The following NRXN3 variants were observed in gnomAD, a reference collection of about 807,000 sequenced individuals.
The protein encoded by NRXN3 is neurexin III.
NRXN3 carries 32 observed loss-of-function variants against 137.6 expected under a neutral mutation model. That is an observed-to-expected ratio of 0.23 (90% CI 0.18 to 0.31). NRXN3 has a LOEUF of 0.31. NRXN3 is among the 10% of genes least tolerant of loss of function. The pLI is 1.00. For missense variants in NRXN3, 1,574 were observed against 2,062.5 expected (o/e 0.76, Z 4.59); for synonymous variants, 798 against 784.5 (o/e 1.02, Z -0.29).
chr14:78,664,796 C>T (rs1336233269), intron 6 of NRXN3, among the ~76,000 whole-genome samples: 1 of 152,180 alleles, frequency 6.6e-6, no homozygotes, highest in African/African-American at 2.4e-5. Context: ...GAGACAAGAA[C>T]AAAGATTTAT....
chr14:79,435,215 G>A (rs1185957694), intron 15 of NRXN3, among the ~76,000 whole-genome samples: 3 of 151,772 alleles, frequency 2.0e-5, no homozygotes, highest in Non-Finnish European at 4.4e-5. Flanking sequence ...GTTGCATTTG[G>A]AGCTATCAGC....
In NRXN3 at chr14:79,733,317, C is replaced by T. The variant is rs1162655066; in HGVS notation, c.4014+35380C>T. Among the ~76,000 whole-genome samples the T allele has an allele frequency of 2.6e-5, 4 of 152,280 alleles. No homozygotes were observed. The East Asian group carries it at 7.7e-4, about 29-fold the overall frequency. On this transcript the variant is annotated intron_variant, in intron 19 of 20. Coordinates refer to ENST00000335750, the MANE Select transcript of NRXN3 (RefSeq NM_001330195.2). ...CCGCAATACAAAAATCTTACTGTGTCAAATGTAATATGCATACCTGGCTTC... is the reference window on the plus strand; with the variant it reads ...CCGCAATACAAAAATCTTACTGTGTTAAATGTAATATGCATACCTGGCTTC...
intron 4 of NRXN3, among the ~76,000 whole-genome samples, chr14:78,412,502 C>A (rs746519409): frequency 5.3e-5 from 8 of 152,164 alleles, no homozygotes; most frequent in Non-Finnish European, 1.0e-4. Context: ...AGTACTTGGG[C>A]ATTTGCTATG....
chr14:79,220,520 A>G (rs976211557), intron 15 of NRXN3, among the ~76,000 whole-genome samples: 13 of 152,068 alleles, frequency 8.5e-5, no homozygotes, highest in Non-Finnish European at 1.6e-4. Context: ...CATTATCTTC[A>G]TGTGTCACCA....
chr14:79,702,088 T>C (rs1263521669), intron 19 of NRXN3, among the ~76,000 whole-genome samples: 1 of 151,656 alleles, frequency 6.6e-6, no homozygotes, highest in Admixed American at 6.6e-5. Context: ...GAAATAGAGA[T>C]TTGAAGGTGG....
In NRXN3 at chr14:78,384,152, G is replaced by A. The variant is rs569874319; in HGVS notation, c.757+86292G>A. Among the ~76,000 whole-genome samples, 117 of 152,270 alleles carry A rather than the reference G, an allele frequency of 7.7e-4. 1 individual carries two copies. Among genetic ancestry groups the A allele is most frequent in the Admixed American group, 3.1e-3 (47 of 15,296 alleles). On this transcript the variant is annotated intron_variant, in intron 4 of 20. Coordinates refer to ENST00000335750, the MANE Select transcript of NRXN3 (RefSeq NM_001330195.2). ...ACAGGTAGGAACCAATGGGACTTTGGAGGACTAGGCAGAAGGAGGAACCTG... is the reference window on the plus strand; with the variant it reads ...ACAGGTAGGAACCAATGGGACTTTGAAGGACTAGGCAGAAGGAGGAACCTG...
intron 15 of NRXN3, among the ~76,000 whole-genome samples, chr14:79,261,601 CTG>C (rs5809932): frequency 0.47 from 27,447 of 58,940 alleles, 6,287 homozygotes; most frequent in African/African-American, 0.51. Context: ...AAGAAAGGTG[CTG>C]TGTGTGTGTG....
At chr14:79,122,949 C>T (rs2055702108) in intron 15 of NRXN3, among the ~76,000 whole-genome samples, 1 of 152,010 alleles carries the variant, frequency 6.6e-6, no homozygotes, top group Non-Finnish European at 1.5e-5. Flanking sequence ...TCTTTGGAGG[C>T]CAAAGGTGAC....
chr14:79,286,777 T>C (rs904690184), intron 15 of NRXN3, among the ~76,000 whole-genome samples: 36 of 152,014 alleles, frequency 2.4e-4, no homozygotes, highest in Non-Finnish European at 4.3e-4. Context: ...CAACCTTTGG[T>C]TCTAAGAAAC....
intron 19 of NRXN3, among the ~76,000 whole-genome samples, chr14:79,746,344 G>A (rs1327803635): frequency 1.3e-5 from 2 of 152,220 alleles, no homozygotes; most frequent in East Asian, 1.9e-4. Context: ...AAAGCATAGA[G>A]TCAGGGTGCT....
At chr14:79,730,465 T>G (rs1320774298) in intron 19 of NRXN3, among the ~76,000 whole-genome samples, 1 of 152,212 alleles carries the variant, frequency 6.6e-6, no homozygotes, top group Non-Finnish European at 1.5e-5. Context: ...GGGAATGAAC[T>G]CAGCTGGTCA....
chr14:79,046,676 C>T (rs1270371176), intron 15 of NRXN3, among the ~76,000 whole-genome samples: 1 of 152,152 alleles, frequency 6.6e-6, no homozygotes, highest in Non-Finnish European at 1.5e-5. Flanking sequence ...TATGACCTAG[C>T]TCAAGCTACT....
intron 1 of NRXN3, among the ~76,000 whole-genome samples, chr14:78,220,876 T>A (rs192662566): frequency 1.5e-4 from 23 of 152,140 alleles, no homozygotes; most frequent in South Asian, 6.2e-4. Context: ...AACCTCAATT[T>A]TTTTTTTTCA....
intron 8 of NRXN3, among the ~76,000 whole-genome samples, chr14:78,780,228 A>G (rs1348701186): frequency 6.6e-6 from 1 of 152,212 alleles, no homozygotes; most frequent in Non-Finnish European, 1.5e-5. Context: ...TAGTCAACCT[A>G]TGATGCTGGA....
chr14:79,425,345 A>G (rs2153540407), intron 15 of NRXN3, among the ~76,000 whole-genome samples: 1 of 152,322 alleles, frequency 6.6e-6, no homozygotes, highest in East Asian at 1.9e-4. Flanking sequence ...TATAAAAGTG[A>G]CAAAAATTCT....
chr14:79,796,586 G>C (rs1040433614), intron 19 of NRXN3, among the ~76,000 whole-genome samples: 3 of 152,020 alleles, frequency 2.0e-5, no homozygotes, highest in African/African-American at 7.3e-5. Flanking sequence ...AGACCTCAAG[G>C]GTAGAAATAA....
intron 6 of NRXN3, among the ~76,000 whole-genome samples, chr14:78,686,088 G>T (rs2098123501): frequency 6.6e-6 from 1 of 151,904 alleles, no homozygotes; most frequent in Non-Finnish European, 1.5e-5. Flanking sequence ...TTCTTTATTT[G>T]CCCCATCCCC....
At chr14:79,300,760 G>A (rs1294352540) in intron 15 of NRXN3, among the ~76,000 whole-genome samples, 2 of 152,084 alleles carry the variant, frequency 1.3e-5, no homozygotes, top group African/African-American at 2.4e-5. Flanking sequence ...AATAGGTGAC[G>A]TGTCTTAGTG....
At chr14:78,210,690 G>A (rs1439791376) in intron 1 of NRXN3, among the ~76,000 whole-genome samples, 1 of 151,538 alleles carries the variant, frequency 6.6e-6, no homozygotes, top group East Asian at 1.9e-4. Flanking sequence ...CCCACCCCTG[G>A]CCCCAGGCAA....
Sources: allele counts gnomAD v4.1 joint callset (sites outside exome capture counted in the v4.1 genomes callset), GRCh38; gene constraint gnomAD v4.1.1; transcripts MANE v1.5; gene names NCBI Gene and HGNC (gene_info 2026-07-23, HGNC 2026-07-21).